Variants in CFAP54 observed in about 807,000 individuals in gnomAD.
The protein encoded by CFAP54 is cilia and flagella associated protein 54.
A neutral mutation model predicts 370.4 loss-of-function variants in CFAP54; 290 were observed. The ratio of observed to expected loss-of-function variants is 0.78; its 90% CI spans 0.71 to 0.86. The LOEUF (loss-of-function observed/expected upper bound fraction) is 0.86. CFAP54 is among the 40% of genes least tolerant of loss of function. The pLI, the probability that CFAP54 is intolerant of heterozygous loss-of-function variation, is 0.00. For missense variants in CFAP54, 3,399 were observed against 3,528.7 expected (o/e 0.96, Z 0.93); for synonymous variants, 1,206 against 1,236.5 (o/e 0.98, Z 0.52).
At chr12:96,604,034 G>A (rs763113663) in intron 26 of CFAP54, among the ~76,000 whole-genome samples, 7 of 152,146 alleles carry the variant, frequency 4.6e-5, no homozygotes, top group Admixed American at 1.3e-4. Flanking sequence ...GAGAAGAGGC[G>A]TTCTGTTTTT....
chr12:96,675,698 A>T (rs541028185), intron 39 of CFAP54, among the ~76,000 whole-genome samples: 2 of 152,194 alleles, frequency 1.3e-5, no homozygotes, highest in East Asian at 1.9e-4. Flanking sequence ...CAAATATCCA[A>T]CAATGATAGA....
intron 66 of CFAP54, among the ~76,000 whole-genome samples, chr12:96,858,309 T>C (rs1959769801): frequency 6.6e-6 from 1 of 152,248 alleles, no homozygotes; most frequent in Admixed American, 6.5e-5. Context: ...TTGAAGTGTC[T>C]GTTCATATCC....
At chr12:96,553,074 A>G (rs953008355) in intron 15 of CFAP54, among the ~76,000 whole-genome samples, 5 of 151,944 alleles carry the variant, frequency 3.3e-5, no homozygotes, top group Non-Finnish European at 5.9e-5. Flanking sequence ...TTCTGAGCAA[A>G]CTCTTGAGAA....
chr12:96,821,301 G>T (rs1959031053), intron 65 of CFAP54, among the ~76,000 whole-genome samples: 1 of 152,102 alleles, frequency 6.6e-6, no homozygotes, highest in South Asian at 2.1e-4. Flanking sequence ...GAGGTCGAGG[G>T]TATGGTGGTG....
At chr12:96,655,353 A>G (rs373762571) in intron 36 of CFAP54, among the ~76,000 whole-genome samples, 2 of 151,934 alleles carry the variant, frequency 1.3e-5, no homozygotes, top group Non-Finnish European at 2.9e-5. Flanking sequence ...TATGTGAACT[A>G]TATTTGAGGA....
chr12:96,753,101 C>T (rs1958207975), intron 55 of CFAP54, among the ~76,000 whole-genome samples: 1 of 152,132 alleles, frequency 6.6e-6, no homozygotes, highest in Non-Finnish European at 1.5e-5. Flanking sequence ...AGTACCTAAG[C>T]ACTTAGAAAA....
intron 45 of CFAP54, among the ~76,000 whole-genome samples, chr12:96,694,792 G>C (rs1957424718): frequency 1.3e-5 from 2 of 152,106 alleles, no homozygotes; most frequent in South Asian, 4.2e-4. Context: ...GGGAGGCCGG[G>C]GTGGGCGGAT....
intron 40 of CFAP54, 99 bp downstream of exon 40, chr12:96,679,851 C>A: frequency 1.7e-6 from 2 of 1,183,514 alleles, no homozygotes; most frequent in South Asian, 1.4e-5. Flanking sequence ...TCCCCGTGTA[C>A]ATGCAACACT....
At chr12:96,520,438 G>A (rs950869592) in intron 6 of CFAP54, among the ~76,000 whole-genome samples, 1 of 152,080 alleles carries the variant, frequency 6.6e-6, no homozygotes, top group African/African-American at 2.4e-5. Flanking sequence ...CAGCTACTCG[G>A]GAGGCTGAGG....
At chr12:96,693,943 C>T in intron 45 of CFAP54, 135 bp downstream of exon 45, 1 of 506,922 alleles carries the variant, frequency 2.0e-6, no homozygotes. Context: ...AATAACTTAC[C>T]CATTATTATA....
At chr12:96,672,343 G>T (rs1296392627) in intron 39 of CFAP54, among the ~76,000 whole-genome samples, 1 of 152,154 alleles carries the variant, frequency 6.6e-6, no homozygotes, top group African/African-American at 2.4e-5. Flanking sequence ...GCAGGGAAGT[G>T]TGTAGGTGGT....
chr12:96,583,286 C>T (rs986984138), intron 22 of CFAP54, among the ~76,000 whole-genome samples: 4 of 151,840 alleles, frequency 2.6e-5, no homozygotes, highest in African/African-American at 2.4e-5. Flanking sequence ...TATTCCTCCT[C>T]GTTAAGTAGA....
intron 60 of CFAP54, among the ~76,000 whole-genome samples, chr12:96,772,491 C>T (rs1452072300): frequency 6.6e-6 from 1 of 152,126 alleles, no homozygotes; most frequent in African/African-American, 2.4e-5. Context: ...CCTCTGACTT[C>T]GTTTCTGCAT....
chr12:96,835,826 T>A (rs1296858526), intron 66 of CFAP54, among the ~76,000 whole-genome samples: 1 of 152,100 alleles, frequency 6.6e-6, no homozygotes, highest in Non-Finnish European at 1.5e-5. Context: ...TCCCACTAGC[T>A]CCATGGAGTG....
In CFAP54 at chr12:96,709,567, A is replaced by G. The variant is rs144745859; in HGVS notation, c.6724+764A>G. ...TTGAAAGGGTGTTGAATTCTATTCA[A>G]TGCTCTATCTGCATCTATTGGGATG... is the stretch of plus-strand genomic sequence containing the variant. On this transcript the variant is annotated intron_variant, in intron 48 of 67. Transcript: ENST00000524981. Among the ~76,000 whole-genome samples, 326 of 152,202 alleles carry G rather than the reference A, an allele frequency of 2.1e-3. 1 individual carries two copies. Among genetic ancestry groups the G allele is most frequent in the African/African-American group, 7.3e-3 (305 of 41,516 alleles).
chr12:96,704,481 T>C (rs1161639627), intron 46 of CFAP54, among the ~76,000 whole-genome samples: 2 of 113,018 alleles, frequency 1.8e-5, no homozygotes, highest in Admixed American at 1.6e-4. Context: ...TATATATATA[T>C]ATATATATAT....
At chr12:96,642,848 A>G (rs966935473) in intron 32 of CFAP54, among the ~76,000 whole-genome samples, 2 of 152,132 alleles carry the variant, frequency 1.3e-5, no homozygotes, top group African/African-American at 4.8e-5. Context: ...TTATTGGAGC[A>G]CCCTGAATGT....
chr12:96,665,017 G>A (rs1301898561), intron 39 of CFAP54, among the ~76,000 whole-genome samples: 3 of 151,540 alleles, frequency 2.0e-5, no homozygotes, highest in Non-Finnish European at 4.4e-5. Flanking sequence ...ATTCTGACTG[G>A]TGTGAGATGG....
chr12:96,704,947 G>A (rs1267684057), intron 47 of CFAP54, 151 bp downstream of exon 47: 1 of 313,522 alleles, frequency 3.2e-6, no homozygotes, highest in Non-Finnish European at 6.1e-6. Flanking sequence ...TTCACAAAAA[G>A]AGGATTCTAC....
Sources: allele counts gnomAD v4.1 joint callset (sites outside exome capture counted in the v4.1 genomes callset), GRCh38; gene constraint gnomAD v4.1.1; transcripts MANE v1.5; gene names NCBI Gene and HGNC (gene_info 2026-07-23, HGNC 2026-07-21).